The following TAF1 variants were observed in gnomAD, a reference collection of about 807,000 sequenced individuals.
The protein encoded by TAF1 is transcription initiation factor TFIID subunit 1.
In TAF1, 2 loss-of-function variants were observed where a neutral mutation model predicts 138.5. The observed-to-expected ratio is 0.01, with a 90% CI of 0.01 to 0.05. TAF1 has a LOEUF of 0.05. Ranked by LOEUF, TAF1 falls within the 10% of genes least tolerant of loss-of-function variation. The probability of loss-of-function intolerance (pLI) is 1.00; values close to 1 mark genes in which losing one functional copy is unlikely to be tolerated. For synonymous variants in TAF1, 437 were observed against 503.2 expected (o/e 0.87, Z 1.76); for missense variants, 709 against 1,478.0 (o/e 0.48, Z 8.53).
rs776061766 is a variant in TAF1, at chrX:71,458,037, C to T, written c.4939-204C>T. On this transcript the variant is annotated intron_variant, in intron 34 of 37. Transcript: ENST00000423759. ...CATTTCTGCTTCAGGCTTCTGATTA[C>T]GTGCATCAGGCACCTGTCTACTAGA... Among the ~76,000 whole-genome samples the T allele has an allele frequency of 9.8e-5, 11 of 112,761 alleles. 1 individual carries two copies. The highest frequency in any genetic ancestry group is 3.7e-4 in the Admixed American group (4 of 10,677).
chrX:71,436,303 C>T (rs1450038126), intron 32 of TAF1, among the ~76,000 whole-genome samples: 3 of 104,432 alleles, frequency 2.9e-5, no homozygotes, highest in Non-Finnish European at 3.9e-5. Context: ...GCAAGCTCCA[C>T]CTCCCAGTTT....
At chrX:71,527,908 G>A (rs1484865941) in intron 13 of TAF1, 3 of 139,656 alleles carry the variant, frequency 2.1e-5, no homozygotes, top group Admixed American at 1.9e-4. Context: ...TAAAACAAAT[G>A]TCATGGGTGC....
At chrX:71,495,932 G>T (rs1297999855) in intron 13 of TAF1, among the ~76,000 whole-genome samples, 2 of 112,013 alleles carry the variant, frequency 1.8e-5, no homozygotes, top group Non-Finnish European at 3.8e-5. Context: ...TGAAAACCTT[G>T]TAAGTTTGGG....
chrX:71,474,738 G>C (rs1424673992), intron 13 of TAF1, among the ~76,000 whole-genome samples: 2 of 111,875 alleles, frequency 1.8e-5, no homozygotes, highest in African/African-American at 6.5e-5. Context: ...AGTAATTGTG[G>C]CTGGGTTGGA....
intron 13 of TAF1, among the ~76,000 whole-genome samples, chrX:71,527,493 C>A (rs2040020508): frequency 9.0e-6 from 1 of 110,943 alleles, no homozygotes; most frequent in South Asian, 3.8e-4. Flanking sequence ...TAGTGGACAG[C>A]AGCAAAGGAG....
intron 25 of TAF1, among the ~76,000 whole-genome samples, chrX:71,402,504 G>A (rs1371603105): frequency 8.9e-6 from 1 of 112,136 alleles, no homozygotes; most frequent in African/African-American, 3.2e-5. Context: ...CTCCCCAAGC[G>A]TTGGGATTAC....
rs28382162 is a variant in TAF1, at chrX:71,381,855, C to T, written c.1473C>T (p.Ala491=). 1 of 1,181,840 alleles carries T rather than the reference C, an allele frequency of 8.5e-7. No individual in the cohort carries two copies. Among genetic ancestry groups the T allele is most frequent in the Non-Finnish European group, 1.1e-6 (1 of 880,407 alleles). Residue 491 remains alanine (A), a synonymous_variant, in exon 9 of 38, where the codon GCC becomes GCT. Coordinates refer to ENST00000423759, the MANE Select transcript of TAF1 (RefSeq NM_004606.5). ...WEDNIIWDAQ[A]MPRLLEPPVL... ...ACAATATCATTTGGGATGCTCAGGC[C>T]ATGCCCCGGCTGTTGGAACCTCCTG...
chrX:71,483,669 T>A (rs1249365084), intron 13 of TAF1, among the ~76,000 whole-genome samples: 1 of 106,650 alleles, frequency 9.4e-6, no homozygotes, highest in Non-Finnish European at 1.9e-5. Flanking sequence ...TAGAGGTGGA[T>A]AAGGGAAACC....
intron 22 of TAF1, 129 bp from the exon 23 acceptor site, chrX:71,397,124 A>G: frequency 1.5e-6 from 1 of 689,239 alleles, no homozygotes; most frequent in Non-Finnish European, 2.2e-6. Flanking sequence ...GCTGATGATG[A>G]CTTTGATGCT....
chrX:71,476,254 C>T (rs1194650826), intron 13 of TAF1, among the ~76,000 whole-genome samples: 2 of 111,134 alleles, frequency 1.8e-5, no homozygotes, highest in Admixed American at 9.7e-5. Flanking sequence ...CAAAATGATT[C>T]GACACTTTAT....
At chrX:71,369,690 C>T (rs754895169) in intron 3 of TAF1, among the ~76,000 whole-genome samples, 1 of 106,055 alleles carries the variant, frequency 9.4e-6, no homozygotes, top group African/African-American at 3.4e-5. Flanking sequence ...ACTGCAAGCT[C>T]TGCCTCCCAG....
intron 34 of TAF1, chrX:71,455,150 G>A (rs762951361): frequency 3.4e-6 from 3 of 892,690 alleles, no homozygotes; most frequent in Non-Finnish European, 4.6e-6. Context: ...TCTGGGTCTC[G>A]GGAATTTTCT....
intron 9 of TAF1, 132 bp from the exon 10 acceptor site, chrX:71,382,404 G>T (rs765449699): frequency 2.3e-6 from 2 of 874,536 alleles, no homozygotes; most frequent in African/African-American, 2.1e-5. Context: ...CCTGGGGGGG[G>T]GTGGGATGAA....
chrX:71,528,531 AC>A (rs1255573660), intron 13 of TAF1: 2 of 326,565 alleles, frequency 6.1e-6, no homozygotes, highest in Non-Finnish European at 1.2e-5. Flanking sequence ...CTGCATTGTA[AC>A]TCCTTACAGG....
At chrX:71,517,708 A>T in intron 13 of TAF1, among the ~76,000 whole-genome samples, 1 of 112,111 alleles carries the variant, frequency 8.9e-6, no homozygotes, top group East Asian at 2.8e-4. Flanking sequence ...GACCCAGTTA[A>T]CCTGTGCCTG....
At chrX:71,371,113 T>A (rs1222612735) in intron 3 of TAF1, among the ~76,000 whole-genome samples, 1 of 111,843 alleles carries the variant, frequency 8.9e-6, no homozygotes, top group Non-Finnish European at 1.9e-5. Context: ...TTGTCTTGAC[T>A]AGGGATGGTA....
intron 16 of TAF1, 108 bp downstream of exon 16, chrX:71,388,486 G>T: frequency 1.9e-6 from 2 of 1,063,080 alleles, no homozygotes; most frequent in South Asian, 4.7e-5. Flanking sequence ...ATTGATGGCT[G>T]TTGAAAGGAG....
Position 71,408,071 on chromosome X carries a change from T to C in TAF1, c.4304T>C (p.Val1435Ala). 8.3e-7 allele frequency: 1 copy of C among 1,211,921 alleles called. No homozygotes were observed. Residue 1435 changes from valine (V) to alanine (A), a missense_variant, in exon 28 of 38, where the codon GTG becomes GCG. Val to Ala is a moderately conservative substitution (Grantham distance 64). This residue lies in a region of TAF1 where 63 missense variants were observed against 163.3 expected (regional missense o/e 0.39). Transcript: ENST00000423759. ...PMDLQTLREN[V>A]RKRLYPSREE... ...GACCTACAAACACTCCGCGAAAACG[T>C]GCGTAAACGCCTCTACCCATCTCGG...
chrX:71,529,411 CT>C (rs1331355819), intron 14 of TAF1: 1 of 177,699 alleles, frequency 5.6e-6, no homozygotes, highest in African/African-American at 3.1e-5. Context: ...ATTTACAATC[CT>C]TTAGCTAAAC....
Sources: allele counts gnomAD v4.1 joint callset (sites outside exome capture counted in the v4.1 genomes callset), GRCh38; gene constraint gnomAD v4.1.1; regional missense constraint gnomAD v4.1.1; transcripts MANE v1.5; gene names NCBI Gene and HGNC (gene_info 2026-07-23, HGNC 2026-07-21).